RBFOX1: variants seen among roughly 807,000 people sequenced by gnomAD.
The protein encoded by RBFOX1 is RNA binding protein fox-1 homolog 1.
RBFOX1 carries 8 observed loss-of-function variants against 57.7 expected under a neutral mutation model. The ratio of observed to expected loss-of-function variants is 0.14; its 90% CI spans 0.08 to 0.25. RBFOX1 has a LOEUF of 0.25. Among genes scored for constraint, RBFOX1 ranks in the 10% least tolerant of loss-of-function variants. The probability of loss-of-function intolerance (pLI) is 1.00; values close to 1 mark genes in which losing one functional copy is unlikely to be tolerated. For missense variants in RBFOX1, 611 were observed against 548.5 expected (o/e 1.11, Z -1.14); for synonymous variants, 326 against 222.4 (o/e 1.47, Z -4.15).
intron 3 of RBFOX1, among the ~76,000 whole-genome samples, chr16:6,720,065 C>A (rs1315865963): frequency 1.3e-5 from 2 of 151,716 alleles, no homozygotes; most frequent in African/African-American, 4.8e-5. Flanking sequence ...CTGCACTACA[C>A]CCTGGGCGAC....
chr16:5,931,890 C>A (rs1469479856), intron 4 of RBFOX1, among the ~76,000 whole-genome samples: 2 of 152,190 alleles, frequency 1.3e-5, no homozygotes, highest in Admixed American at 1.3e-4. Flanking sequence ...TCACTGCAGC[C>A]TTGACCTCCT....
intron 9 of RBFOX1, among the ~76,000 whole-genome samples, chr16:7,602,342 C>G (rs913671538): frequency 6.6e-6 from 1 of 152,126 alleles, no homozygotes; most frequent in African/African-American, 2.4e-5. Flanking sequence ...AGCCAGACCC[C>G]AAGACGTCTG....
intron 4 of RBFOX1, among the ~76,000 whole-genome samples, chr16:5,916,038 C>A (rs1482615555): frequency 1.3e-5 from 2 of 152,064 alleles, no homozygotes; most frequent in Non-Finnish European, 2.9e-5. Flanking sequence ...ATGCCTGTCC[C>A]CTGGTAGCTA....
At chr16:6,860,439 G>A (rs540297032) in intron 3 of RBFOX1, among the ~76,000 whole-genome samples, 7 of 152,298 alleles carry the variant, frequency 4.6e-5, no homozygotes, top group African/African-American at 1.7e-4. Context: ...AGACGCGGGG[G>A]CAGCGGGCGC....
chr16:7,454,880 G>C (rs1333189066), intron 4 of RBFOX1, among the ~76,000 whole-genome samples: 1 of 152,206 alleles, frequency 6.6e-6, no homozygotes, highest in African/African-American at 2.4e-5. Context: ...CAGTGTTAAA[G>C]AGTGATTATC....
At chr16:6,965,409 C>G (rs916505683) in intron 3 of RBFOX1, among the ~76,000 whole-genome samples, 7 of 151,870 alleles carry the variant, frequency 4.6e-5, no homozygotes, top group Admixed American at 2.0e-4. Flanking sequence ...GTGGCGTGAT[C>G]TCAGCTTACT....
chr16:6,583,197 G>C (rs1213243418), intron 2 of RBFOX1, among the ~76,000 whole-genome samples: 1 of 152,182 alleles, frequency 6.6e-6, no homozygotes, highest in Non-Finnish European at 1.5e-5. Flanking sequence ...CCCAGGAGTA[G>C]TTCTAATGGG....
At chr16:7,016,019 C>A (rs560188447) in intron 3 of RBFOX1, among the ~76,000 whole-genome samples, 1 of 152,000 alleles carries the variant, frequency 6.6e-6, no homozygotes, top group South Asian at 2.1e-4. Flanking sequence ...GGGTTTCTTT[C>A]TTGGAAAGAC....
intron 1 of RBFOX1, among the ~76,000 whole-genome samples, chr16:6,281,746 A>G (rs908309505): frequency 6.6e-6 from 1 of 152,260 alleles, no homozygotes; most frequent in South Asian, 2.1e-4. Context: ...AGTGCTGTGG[A>G]TAATGTTGGT....
At chr16:5,453,020 C>A (rs1444012996) in intron 1 of RBFOX1, among the ~76,000 whole-genome samples, 1 of 152,170 alleles carries the variant, frequency 6.6e-6, no homozygotes, top group East Asian at 1.9e-4. Context: ...AGTATATCCT[C>A]CTGCTATTGG....
chr16:5,390,813 T>C (rs2066388078), intron 1 of RBFOX1, among the ~76,000 whole-genome samples: 1 of 152,118 alleles, frequency 6.6e-6, no homozygotes, highest in African/African-American at 2.4e-5. Flanking sequence ...CTCACTGGGC[T>C]TGAAGGATAG....
At position 6,641,304 on chromosome 16, in the gene RBFOX1, C is replaced by T. The variant is rs1428978531; in HGVS notation, c.-63-13299C>T. Reference sequence around the variant, plus strand: ...AAGGACCTAGAGGACAGCATTGTAACACGGTTCAACCAAGGCGTTCACCTT... The same window carrying T: ...AAGGACCTAGAGGACAGCATTGTAATACGGTTCAACCAAGGCGTTCACCTT... On this transcript the variant is annotated intron_variant, in intron 2 of 15. Transcript: ENST00000550418. Among the ~76,000 whole-genome samples, 6 of 152,294 alleles carry T rather than the reference C, an allele frequency of 3.9e-5. No homozygotes were observed. In the East Asian group the frequency reaches 1.2e-3, roughly 29 times the overall value.
intron 3 of RBFOX1, among the ~76,000 whole-genome samples, chr16:6,778,123 C>A (rs543930549): frequency 1.3e-5 from 2 of 151,346 alleles, no homozygotes; most frequent in African/African-American, 4.8e-5. Flanking sequence ...GATCTGGATG[C>A]GCAGTGCGAT....
chr16:7,188,117 A>G (rs1300616048), intron 4 of RBFOX1, among the ~76,000 whole-genome samples: 1 of 152,200 alleles, frequency 6.6e-6, no homozygotes, highest in African/African-American at 2.4e-5. Context: ...GTGTTTAACA[A>G]TTTTGGAAGA....
At chr16:6,103,714 G>C (rs2096342855) in intron 1 of RBFOX1, among the ~76,000 whole-genome samples, 1 of 152,102 alleles carries the variant, frequency 6.6e-6, no homozygotes. Context: ...GTCAAGTCTG[G>C]AGTGGACATT....
At chr16:7,481,812 C>G (rs1334353344) in intron 4 of RBFOX1, among the ~76,000 whole-genome samples, 1 of 152,160 alleles carries the variant, frequency 6.6e-6, no homozygotes. Context: ...ACAGCTTAGC[C>G]TAGCCTGCCT....
chr16:6,599,669 G>T (rs1221756931), intron 2 of RBFOX1, among the ~76,000 whole-genome samples: 1 of 152,146 alleles, frequency 6.6e-6, no homozygotes, highest in African/African-American at 2.4e-5. Flanking sequence ...CCATATGGCA[G>T]AGTGCTTCAG....
chr16:6,553,536 A>T (rs1239769288), intron 2 of RBFOX1, among the ~76,000 whole-genome samples: 1 of 152,224 alleles, frequency 6.6e-6, no homozygotes, highest in Non-Finnish European at 1.5e-5. Context: ...CTACCACCCA[A>T]TATCCAATTG....
intron 3 of RBFOX1, among the ~76,000 whole-genome samples, chr16:6,742,587 A>G (rs1230112115): frequency 2.6e-5 from 4 of 152,194 alleles, no homozygotes; most frequent in Non-Finnish European, 1.5e-5. Flanking sequence ...CAACCAAAAT[A>G]TCTACAGTAG....
Sources: allele counts gnomAD v4.1 joint callset (sites outside exome capture counted in the v4.1 genomes callset), GRCh38; gene constraint gnomAD v4.1.1; transcripts MANE v1.5; gene names NCBI Gene and HGNC (gene_info 2026-07-23, HGNC 2026-07-21).